NRG1: variants seen among roughly 807,000 people sequenced by gnomAD.
NRG1 encodes the protein neuregulin 1.
A neutral mutation model predicts 63.8 loss-of-function variants in NRG1; 18 were observed. That is an observed-to-expected ratio of 0.28 (90% CI 0.19 to 0.42). NRG1 has a LOEUF of 0.42. NRG1 is among the 10% of genes least tolerant of loss of function. NRG1 has a pLI of 1.00. For missense variants in NRG1, 762 were observed against 814.7 expected (o/e 0.94, Z 0.79); for synonymous variants, 302 against 301.3 (o/e 1.00, Z -0.02).
chr8:32,754,577 A>T (rs76017751), intron 8 of NRG1, 103 bp downstream of exon 8: 9 of 639,504 alleles, frequency 1.4e-5, no homozygotes, highest in African/African-American at 9.6e-5. Context: ...TCTTGGGGAT[A>T]AAAAAAAAAG....
chr8:32,638,290 T>C (rs1257313614), intron 5 of NRG1, among the ~76,000 whole-genome samples: 1 of 152,190 alleles, frequency 6.6e-6, no homozygotes, highest in African/African-American at 2.4e-5. Context: ...GTTGTGCACA[T>C]GTACCCTAGA....
At chr8:32,363,791 A>C (rs2129482073) in intron 1 of NRG1, among the ~76,000 whole-genome samples, 1 of 152,266 alleles carries the variant, frequency 6.6e-6, no homozygotes, top group Non-Finnish European at 1.5e-5. Flanking sequence ...AAGATATCAA[A>C]AAATAAGAAA....
chr8:32,740,340 C>A (rs899362227), intron 6 of NRG1, among the ~76,000 whole-genome samples: 1 of 151,850 alleles, frequency 6.6e-6, no homozygotes, highest in Admixed American at 6.6e-5. Flanking sequence ...GGATTACAGG[C>A]GCCCGCCACC....
chr8:32,061,030 T>C (rs1434820482), intron 1 of NRG1, among the ~76,000 whole-genome samples: 1 of 151,998 alleles, frequency 6.6e-6, no homozygotes, highest in African/African-American at 2.4e-5. Context: ...TGTACTTCTT[T>C]TGTGTTCTGC....
chr8:32,489,663 C>A (rs896604269), intron 1 of NRG1, among the ~76,000 whole-genome samples: 1 of 152,136 alleles, frequency 6.6e-6, no homozygotes, highest in African/African-American at 2.4e-5. Context: ...ATTATGGAAG[C>A]TAAATATTTA....
chr8:32,700,647 G>T (rs1365397850), intron 5 of NRG1, among the ~76,000 whole-genome samples: 1 of 152,134 alleles, frequency 6.6e-6, no homozygotes, highest in Non-Finnish European at 1.5e-5. Flanking sequence ...TGAAAGAATA[G>T]AGTTAAAGTT....
At chr8:32,649,956 G>A (rs536548626) in intron 5 of NRG1, among the ~76,000 whole-genome samples, 1 of 152,240 alleles carries the variant, frequency 6.6e-6, no homozygotes, top group South Asian at 2.1e-4. Flanking sequence ...AAGGTTACTT[G>A]ATCATTTTAA....
chr8:31,758,511 C>A (rs946148569), intron 1 of NRG1, among the ~76,000 whole-genome samples: 1 of 152,076 alleles, frequency 6.6e-6, no homozygotes, highest in East Asian at 1.9e-4. Flanking sequence ...GTGGCACATA[C>A]ACACCATGGA....
intron 1 of NRG1, among the ~76,000 whole-genome samples, chr8:32,150,843 A>G (rs1303474956): frequency 6.6e-6 from 1 of 152,160 alleles, no homozygotes; most frequent in African/African-American, 2.4e-5. Flanking sequence ...ATTTATTGCA[A>G]ATTATCCTCT....
intron 1 of NRG1, among the ~76,000 whole-genome samples, chr8:32,173,868 T>C (rs1243313584): frequency 6.6e-6 from 1 of 152,136 alleles, no homozygotes; most frequent in Non-Finnish European, 1.5e-5. Flanking sequence ...GGAAGAGACT[T>C]AGACTCCCAC....
intron 1 of NRG1, among the ~76,000 whole-genome samples, chr8:32,217,846 C>T (rs900285026): frequency 6.6e-6 from 1 of 152,180 alleles, no homozygotes; most frequent in Non-Finnish European, 1.5e-5. Flanking sequence ...TTCATTCTAG[C>T]TTACCCCTAG....
chr8:31,860,431 C>T (rs908079975), intron 1 of NRG1, among the ~76,000 whole-genome samples: 35 of 152,208 alleles, frequency 2.3e-4, no homozygotes, highest in South Asian at 1.7e-3. Flanking sequence ...GGCATTTAGT[C>T]GTGAAAGTAT....
At chr8:32,415,373 A>T (rs2129485759) in intron 1 of NRG1, among the ~76,000 whole-genome samples, 1 of 151,566 alleles carries the variant, frequency 6.6e-6, no homozygotes, top group African/African-American at 2.4e-5. Flanking sequence ...CTCAAAAAAA[A>T]AAAAAAAGAA....
chr8:32,119,920 C>G lies in NRG1; in HGVS notation c.38-475908C>G, dbSNP rs1833218159. 2.0e-5 allele frequency among the ~76,000 whole-genome samples: 3 copies of G among 152,176 alleles called. No homozygotes were observed. The South Asian group carries it at 6.2e-4, about 31-fold the overall frequency. ...AGCAGTTAGCTTCCTCTAAAAAATACAATTGATTACCATGATGTCATGGAT... is the reference window on the plus strand; with the variant it reads ...AGCAGTTAGCTTCCTCTAAAAAATAGAATTGATTACCATGATGTCATGGAT... On this transcript the variant is annotated intron_variant, in intron 1 of 10. Coordinates refer to the NRG1 transcript ENST00000519301.
intron 5 of NRG1, among the ~76,000 whole-genome samples, chr8:32,648,928 T>C (rs1239262452): frequency 2.0e-5 from 3 of 152,132 alleles, no homozygotes; most frequent in African/African-American, 4.8e-5. Context: ...TTACAGCAAG[T>C]CTTAAGACAT....
intron 1 of NRG1, among the ~76,000 whole-genome samples, chr8:31,861,510 A>T (rs1209679272): frequency 1.3e-5 from 2 of 152,200 alleles, no homozygotes; most frequent in Admixed American, 6.5e-5. Flanking sequence ...GAGAGAAACA[A>T]CATACAATAA....
intron 1 of NRG1, among the ~76,000 whole-genome samples, chr8:31,654,685 C>T (rs1289596876): frequency 6.6e-6 from 1 of 152,210 alleles, no homozygotes; most frequent in Non-Finnish European, 1.5e-5. Context: ...TGCCTGTAAT[C>T]ACAGTGCTTT....
intron 1 of NRG1, among the ~76,000 whole-genome samples, chr8:31,694,830 G>T (rs1387356792): frequency 6.6e-6 from 1 of 152,110 alleles, no homozygotes; most frequent in African/African-American, 2.4e-5. Context: ...TTAGAGAAAT[G>T]ATTGCCTCAT....
At chr8:32,751,498 T>G (rs1432652008) in intron 7 of NRG1, among the ~76,000 whole-genome samples, 7 of 152,176 alleles carry the variant, frequency 4.6e-5, no homozygotes, top group Non-Finnish European at 8.8e-5. Flanking sequence ...AAAAAGAGGT[T>G]AAAGAATCCA....
Sources: allele counts gnomAD v4.1 joint callset (sites outside exome capture counted in the v4.1 genomes callset), GRCh38; gene constraint gnomAD v4.1.1; transcripts MANE v1.5; gene names NCBI Gene and HGNC (gene_info 2026-07-23, HGNC 2026-07-21).